Variants in ZFPM2 observed in about 807,000 individuals in gnomAD.
The protein encoded by ZFPM2 is zinc finger protein ZFPM2.
A neutral mutation model predicts 98.6 loss-of-function variants in ZFPM2; 20 were observed. That is an observed-to-expected ratio of 0.20 (90% CI 0.14 to 0.29). The LOEUF (loss-of-function observed/expected upper bound fraction) is 0.29, where lower values mean the gene tolerates loss of function less well. Among genes scored for constraint, ZFPM2 ranks in the 10% least tolerant of loss-of-function variants. The probability of loss-of-function intolerance (pLI) is 1.00; values close to 1 mark genes in which losing one functional copy is unlikely to be tolerated. For synonymous variants in ZFPM2, 518 were observed against 502.7 expected (o/e 1.03, Z -0.41); for missense variants, 1,310 against 1,388.6 (o/e 0.94, Z 0.90).
Position 105,751,912 on chromosome 8 carries a change from A to G in ZFPM2, c.533-36806A>G, listed in dbSNP as rs149637970. Reference sequence around the variant, plus strand: ...AATGATCAGTGCTCATAGGTTTCAGAATTATGCAAAAGATGAAAATAAAAC... The same window carrying G: ...AATGATCAGTGCTCATAGGTTTCAGGATTATGCAAAAGATGAAAATAAAAC... On this transcript the variant is annotated intron_variant, in intron 5 of 7. Coordinates refer to ENST00000407775, the MANE Select transcript of ZFPM2 (RefSeq NM_012082.4). Among the ~76,000 whole-genome samples the G allele has an allele frequency of 2.0e-5, 3 of 152,250 alleles. No homozygotes were observed. The East Asian group carries it at 5.8e-4, about 29-fold the overall frequency.
intron 5 of ZFPM2, among the ~76,000 whole-genome samples, chr8:105,658,827 A>G (rs1333334698): frequency 6.6e-6 from 1 of 152,236 alleles, no homozygotes; most frequent in Non-Finnish European, 1.5e-5. Flanking sequence ...CTATCTTAAA[A>G]GTACTTTGAA....
chr8:105,779,368 T>C (rs1306906732), intron 5 of ZFPM2, among the ~76,000 whole-genome samples: 1 of 152,206 alleles, frequency 6.6e-6, no homozygotes, highest in East Asian at 1.9e-4. Context: ...ATTCCTTGCA[T>C]TTCCTTATTT....
chr8:105,738,139 T>C (rs1812124999), intron 5 of ZFPM2, among the ~76,000 whole-genome samples: 1 of 151,924 alleles, frequency 6.6e-6, no homozygotes, highest in African/African-American at 2.4e-5. Context: ...CTCGTATTCA[T>C]TAGTTATTTT....
chr8:105,362,392 A>G (rs1407921939), intron 1 of ZFPM2, among the ~76,000 whole-genome samples: 2 of 152,018 alleles, frequency 1.3e-5, no homozygotes, highest in Non-Finnish European at 1.5e-5. Context: ...TACTGATTGT[A>G]TTGGATTTGT....
intron 3 of ZFPM2, among the ~76,000 whole-genome samples, chr8:105,459,294 A>G (rs555904540): frequency 2.6e-5 from 4 of 152,222 alleles, no homozygotes; most frequent in Non-Finnish European, 5.9e-5. Context: ...AATAGGAACC[A>G]GAACCTTCCA....
At chr8:105,353,097 CAT>C in intron 1 of ZFPM2, among the ~76,000 whole-genome samples, 1 of 152,272 alleles carries the variant, frequency 6.6e-6, no homozygotes, top group African/African-American at 2.4e-5. Context: ...TAAGCAAAAA[CAT>C]AAACCTTCCA....
intron 1 of ZFPM2, among the ~76,000 whole-genome samples, chr8:105,376,885 A>G (rs1038075666): frequency 6.6e-6 from 1 of 152,198 alleles, no homozygotes; most frequent in Admixed American, 6.5e-5. Context: ...TAATGATACC[A>G]TGCCACTCAC....
intron 4 of ZFPM2, among the ~76,000 whole-genome samples, chr8:105,600,123 A>T (rs1230473966): frequency 1.3e-5 from 2 of 152,142 alleles, no homozygotes; most frequent in Non-Finnish European, 2.9e-5. Context: ...TGTATCTTTT[A>T]CTGAGTTTTG....
intron 4 of ZFPM2, among the ~76,000 whole-genome samples, chr8:105,620,251 G>A (rs1345248563): frequency 1.3e-5 from 2 of 152,160 alleles, no homozygotes; most frequent in African/African-American, 4.8e-5. Context: ...GTATCTCATT[G>A]TGGTTTTGAT....
chr8:105,632,015 A>T (rs910357338), intron 4 of ZFPM2, among the ~76,000 whole-genome samples: 3 of 152,196 alleles, frequency 2.0e-5, no homozygotes, highest in African/African-American at 7.2e-5. Flanking sequence ...GAAATCGATT[A>T]TGTAAAATCA....
intron 4 of ZFPM2, among the ~76,000 whole-genome samples, chr8:105,631,960 C>T (rs182732931): frequency 2.0e-3 from 308 of 152,008 alleles, no homozygotes; most frequent in African/African-American, 6.7e-3. Flanking sequence ...AATTATTTTT[C>T]GTGAAATAAG....
chr8:105,521,915 A>G (rs1345452595), intron 3 of ZFPM2, among the ~76,000 whole-genome samples: 1 of 152,196 alleles, frequency 6.6e-6, no homozygotes, highest in African/African-American at 2.4e-5. Flanking sequence ...ATAAGGAAGA[A>G]CTTGCCTTCT....
intron 3 of ZFPM2, among the ~76,000 whole-genome samples, chr8:105,476,776 A>T (rs756494180): frequency 5.9e-5 from 9 of 151,920 alleles, no homozygotes; most frequent in Non-Finnish European, 7.4e-5. Context: ...CCTCTTTTAA[A>T]ATTAGCATCT....
intron 5 of ZFPM2, among the ~76,000 whole-genome samples, chr8:105,651,315 A>G (rs1354138068): frequency 6.6e-6 from 1 of 152,028 alleles, no homozygotes; most frequent in African/African-American, 2.4e-5. Context: ...TTTCTCCACA[A>G]AAATTAGCCG....
chr8:105,369,462 A>G (rs982539515), intron 1 of ZFPM2, among the ~76,000 whole-genome samples: 9 of 152,256 alleles, frequency 5.9e-5, no homozygotes, highest in African/African-American at 2.2e-4. Context: ...ATTAGTGCAT[A>G]TAAATCCATC....
At chr8:105,620,648 G>T (rs528861340) in intron 4 of ZFPM2, among the ~76,000 whole-genome samples, 1 of 152,086 alleles carries the variant, frequency 6.6e-6, no homozygotes, top group Non-Finnish European at 1.5e-5. Flanking sequence ...TTTCTTCTAG[G>T]TTTTTTATGG....
intron 3 of ZFPM2, among the ~76,000 whole-genome samples, chr8:105,534,546 A>G (rs1457096847): frequency 6.6e-6 from 1 of 150,972 alleles, no homozygotes; most frequent in Non-Finnish European, 1.5e-5. Flanking sequence ...GGTAAGTTCT[A>G]TAAAAGGAGA....
intron 1 of ZFPM2, among the ~76,000 whole-genome samples, chr8:105,364,869 A>C (rs989444871): frequency 1.3e-5 from 2 of 152,086 alleles, no homozygotes. Context: ...CTGAAGGTCT[A>C]TGGTCTTGGT....
chr8:105,444,124 A>G (rs1812319624), intron 2 of ZFPM2, among the ~76,000 whole-genome samples, 156 bp from the exon 3 acceptor site: 1 of 152,262 alleles, frequency 6.6e-6, no homozygotes, highest in Admixed American at 6.5e-5. Context: ...GCCACAATAG[A>G]TATCAAAATA....
Sources: allele counts gnomAD v4.1 joint callset (sites outside exome capture counted in the v4.1 genomes callset), GRCh38; gene constraint gnomAD v4.1.1; transcripts MANE v1.5; gene names NCBI Gene and HGNC (gene_info 2026-07-23, HGNC 2026-07-21).